PRKN: variants seen among roughly 807,000 people sequenced by gnomAD.
PRKN encodes E3 ubiquitin-protein ligase parkin.
In PRKN, 56 loss-of-function variants were observed where a neutral mutation model predicts 59.5. The observed-to-expected ratio is 0.94, with a 90% CI of 0.76 to 1.18. PRKN has a LOEUF of 1.18. PRKN is among the 50% of genes most tolerant of loss of function. PRKN has a pLI of 0.00. For missense variants in PRKN, 657 were observed against 596.4 expected (o/e 1.10, Z -1.06); for synonymous variants, 250 against 222.1 (o/e 1.13, Z -1.12).
rs386409169 is a variant in PRKN, at chr6:161,638,738, A to ATTTTTTT, written c.872-69329_872-69323dup. Reference sequence around the variant, plus strand: ...AGTGAGTGAGTTCTCACGAGATCTGATTTTTTTTTTTTTTTTTTTTTGAGA... The same window carrying ATTTTTTT: ...AGTGAGTGAGTTCTCACGAGATCTGATTTTTTTTTTTTTTTTTTTTTTTTTTTTGAGA... On this transcript the variant is annotated intron_variant, in intron 7 of 11. Coordinates refer to ENST00000366898, the MANE Select transcript of PRKN (RefSeq NM_004562.3). 8.7e-3 allele frequency among the ~76,000 whole-genome samples: 871 copies of ATTTTTTT among 100,140 alleles called. 108 individuals carry two copies. Among genetic ancestry groups the ATTTTTTT allele is most frequent in the African/African-American group, 0.029 (642 of 22,272 alleles). The allele number at this position is 100,140 out of a possible 152,430, so 65.7% of individuals were successfully genotyped here.
intron 2 of PRKN, among the ~76,000 whole-genome samples, chr6:162,339,302 CCCCCCGCCCGGCCAGCCGCGCCGTCT>C: frequency 7.0e-6 from 1 of 142,858 alleles, no homozygotes; most frequent in African/African-American, 2.6e-5. Flanking sequence ...GGGGGGTCAG[CCCCCCGCCCGGCCAGCCGCGCCGTCT>C]GGGAGGGAGG....
chr6:162,385,082 G>A (rs1786728326), intron 2 of PRKN, among the ~76,000 whole-genome samples: 1 of 151,938 alleles, frequency 6.6e-6, no homozygotes, highest in Admixed American at 6.6e-5. Context: ...CTTTAACAAA[G>A]ACATACAGAA....
At chr6:162,424,499 G>A (rs984217539) in intron 2 of PRKN, among the ~76,000 whole-genome samples, 3 of 152,090 alleles carry the variant, frequency 2.0e-5, no homozygotes, top group Non-Finnish European at 4.4e-5. Context: ...ACTTTGGGAG[G>A]CCGAGGCAGG....
intron 9 of PRKN, among the ~76,000 whole-genome samples, chr6:161,421,299 G>C (rs547175070): frequency 1.3e-5 from 2 of 152,250 alleles, no homozygotes; most frequent in South Asian, 4.1e-4. Flanking sequence ...AGGTGACTTT[G>C]AATGGCAAAA....
At chr6:161,872,940 C>A (rs1562352503) in intron 6 of PRKN, among the ~76,000 whole-genome samples, 1 of 148,204 alleles carries the variant, frequency 6.7e-6, no homozygotes. Context: ...GAACTGATGG[C>A]TGTAAGACAT....
intron 1 of PRKN, among the ~76,000 whole-genome samples, chr6:162,545,369 G>A (rs1180600325): frequency 6.6e-6 from 1 of 152,138 alleles, no homozygotes; most frequent in Non-Finnish European, 1.5e-5. Context: ...TTGTCAAGAA[G>A]AGATACCAGT....
At chr6:162,235,009 T>C (rs928781037) in intron 3 of PRKN, among the ~76,000 whole-genome samples, 1 of 152,244 alleles carries the variant, frequency 6.6e-6, no homozygotes, top group Non-Finnish European at 1.5e-5. Flanking sequence ...GTGACATTTT[T>C]ACCAGTGTTA....
intron 2 of PRKN, among the ~76,000 whole-genome samples, chr6:162,347,854 T>C (rs892507879): frequency 2.0e-5 from 3 of 152,172 alleles, no homozygotes; most frequent in East Asian, 3.9e-4. Context: ...CATTGAAAAC[T>C]AACAATCCCT....
At chr6:161,980,692 G>C (rs1781227537) in intron 5 of PRKN, among the ~76,000 whole-genome samples, 1 of 152,202 alleles carries the variant, frequency 6.6e-6, no homozygotes, top group Non-Finnish European at 1.5e-5. Context: ...CCTAGAGAGA[G>C]AGGGAGAAAT....
chr6:161,494,622 C>CA (rs1331597207), intron 9 of PRKN, among the ~76,000 whole-genome samples: 1 of 152,196 alleles, frequency 6.6e-6, no homozygotes, highest in East Asian at 1.9e-4. Flanking sequence ...CATTCAGTAA[C>CA]AAAACTGAAC....
At chr6:161,822,691 G>T (rs118114356) in intron 6 of PRKN, among the ~76,000 whole-genome samples, 3,156 of 152,146 alleles carry the variant, frequency 0.021, 58 homozygotes, top group Non-Finnish European at 0.029. Context: ...AAAGACAAAT[G>T]TTTTGGATGT....
chr6:162,085,321 T>C (rs1398634939), intron 4 of PRKN, among the ~76,000 whole-genome samples: 2 of 151,918 alleles, frequency 1.3e-5, no homozygotes, highest in African/African-American at 4.8e-5. Context: ...ATTGTCTAAC[T>C]TCACAAGTAT....
rs2016657 is a variant in PRKN, at chr6:161,361,572, G to A, written c.1168-1367C>T. Among the ~76,000 whole-genome samples the A allele has an allele frequency of 0.12, 18,188 of 152,192 alleles. 1,309 individuals are homozygous for A. Among genetic ancestry groups the A allele is most frequent in the South Asian group, 0.21 (1,019 of 4,812 alleles). ...TACCAAACATCCAAAATAGGACCCC[G>A]TGAAATGGGCAGGGCACATGGGTGG... On this transcript the variant is annotated intron_variant, in intron 10 of 11. Coordinates refer to ENST00000366898, the MANE Select transcript of PRKN (RefSeq NM_004562.3). The surrounding 1 kb of genome is among the most constrained non-coding windows in gnomAD (Gnocchi z 5.2).
chr6:161,874,134 T>C (rs1178254198), intron 6 of PRKN, among the ~76,000 whole-genome samples: 1 of 51,258 alleles, frequency 2.0e-5, no homozygotes, highest in South Asian at 8.5e-4. Flanking sequence ...TAATATATAT[T>C]ATATGTAAAA....
At chr6:162,177,070 T>C (rs895932141) in intron 4 of PRKN, among the ~76,000 whole-genome samples, 1 of 151,988 alleles carries the variant, frequency 6.6e-6, no homozygotes, top group Non-Finnish European at 1.5e-5. Flanking sequence ...CATATAAATA[T>C]GTATACCCCT....
At chr6:161,482,378 C>T (rs1415106743) in intron 9 of PRKN, among the ~76,000 whole-genome samples, 1 of 152,146 alleles carries the variant, frequency 6.6e-6, no homozygotes, top group East Asian at 1.9e-4. Flanking sequence ...AACAATCTCC[C>T]TCAGGAAGCT....
At chr6:161,625,672 C>A (rs1582908254) in intron 7 of PRKN, among the ~76,000 whole-genome samples, 1 of 152,154 alleles carries the variant, frequency 6.6e-6, no homozygotes, top group Non-Finnish European at 1.5e-5. Context: ...CTACGTAGAA[C>A]CACTTCTTAA....
At position 162,163,559 on chromosome 6, in the gene PRKN, AAAG is replaced by A. The variant is rs1338281494; in HGVS notation, c.534+37569_534+37571del. Among the ~76,000 whole-genome samples, 2 of 149,446 alleles carry A rather than the reference AAAG, an allele frequency of 1.3e-5. 1 individual carries two copies. Among genetic ancestry groups the A allele is most frequent in the Non-Finnish European group, 3.0e-5 (2 of 67,500 alleles). ...ATGCTTTCCAGCGATGAGTGATGAA[AAAG>A]AAGCACAACAATTCCAGTGACTGTA... is the stretch of plus-strand genomic sequence containing the variant. On this transcript the variant is annotated intron_variant, in intron 4 of 11. Transcript: ENST00000366898.
chr6:162,025,013 TA>T (rs1465594689), intron 5 of PRKN, among the ~76,000 whole-genome samples: 3 of 149,728 alleles, frequency 2.0e-5, no homozygotes, highest in African/African-American at 7.4e-5. Context: ...GTCCAGATTG[TA>T]TTTTTTTTTT....
Sources: allele counts gnomAD v4.1 joint callset (sites outside exome capture counted in the v4.1 genomes callset), GRCh38; gene constraint gnomAD v4.1.1; non-coding constraint Gnocchi (gnomAD v3.1); transcripts MANE v1.5; gene names NCBI Gene and HGNC (gene_info 2026-07-23, HGNC 2026-07-21).